RIMS1: variants seen among roughly 807,000 people sequenced by gnomAD.
RIMS1 encodes the protein regulating synaptic membrane exocytosis 1.
Under a neutral mutation model 214.1 loss-of-function variants are expected in RIMS1, and 83 were observed. The observed-to-expected ratio is 0.39, with a 90% confidence interval of 0.32 to 0.47. The LOEUF (loss-of-function observed/expected upper bound fraction) is 0.47, where lower values mean the gene tolerates loss of function less well. RIMS1 is among the 20% of genes least tolerant of loss of function. The pLI, the probability that RIMS1 is intolerant of heterozygous loss-of-function variation, is 0.99. For missense variants in RIMS1, 2,050 were observed against 2,161.8 expected (o/e 0.95, Z 1.03); for synonymous variants, 793 against 786.8 (o/e 1.01, Z -0.13).
intron 4 of RIMS1, among the ~76,000 whole-genome samples, chr6:72,142,330 T>A (rs974776935): frequency 6.6e-6 from 1 of 152,046 alleles, no homozygotes; most frequent in Non-Finnish European, 1.5e-5. Flanking sequence ...GAAAACACAT[T>A]ATTTTTTCCT....
At chr6:72,307,762 A>G (rs1254175759) in intron 27 of RIMS1, among the ~76,000 whole-genome samples, 2 of 152,144 alleles carry the variant, frequency 1.3e-5, no homozygotes, top group African/African-American at 4.8e-5. Flanking sequence ...ACAAAAAAAG[A>G]AAAGGTATCA....
chr6:72,253,087 A>G (rs1424750487), intron 16 of RIMS1, among the ~76,000 whole-genome samples: 1 of 152,210 alleles, frequency 6.6e-6, no homozygotes, highest in African/African-American at 2.4e-5. Flanking sequence ...ATTATTTCAC[A>G]ATGCTCTGAG....
At chr6:72,273,491 AT>A (rs1462093587) in intron 22 of RIMS1, among the ~76,000 whole-genome samples, 1 of 152,120 alleles carries the variant, frequency 6.6e-6, no homozygotes, top group Non-Finnish European at 1.5e-5. Context: ...GATGTTTGAA[AT>A]TTGTGTCTGT....
At chr6:71,901,597 G>A (rs1443418223) in intron 1 of RIMS1, among the ~76,000 whole-genome samples, 1 of 152,104 alleles carries the variant, frequency 6.6e-6, no homozygotes, top group Non-Finnish European at 1.5e-5. Flanking sequence ...TATGAGATTG[G>A]TAGGCTCCTC....
intron 1 of RIMS1, among the ~76,000 whole-genome samples, chr6:71,922,258 C>T (rs1028136996): frequency 1.3e-5 from 2 of 152,178 alleles, no homozygotes; most frequent in African/African-American, 2.4e-5. Context: ...AGTATCTATA[C>T]TCAACTATAT....
intron 26 of RIMS1, among the ~76,000 whole-genome samples, chr6:72,299,125 GA>G (rs1251897161): frequency 2.6e-5 from 4 of 151,810 alleles, no homozygotes; most frequent in Non-Finnish European, 5.9e-5. Context: ...TGGGGGCATC[GA>G]AATAATGATA....
intron 2 of RIMS1, among the ~76,000 whole-genome samples, chr6:72,019,089 C>G (rs1009086509): frequency 6.6e-6 from 1 of 152,072 alleles, no homozygotes; most frequent in Admixed American, 6.6e-5. Flanking sequence ...CCTTATGGCT[C>G]TTACTATATT....
intron 26 of RIMS1, among the ~76,000 whole-genome samples, chr6:72,301,436 A>G (rs907451248): frequency 2.0e-5 from 3 of 151,852 alleles, no homozygotes; most frequent in African/African-American, 7.2e-5. Context: ...AAAACATTGC[A>G]GTTGGCCCAC....
At chr6:72,308,486 T>C (rs1461591693) in intron 27 of RIMS1, among the ~76,000 whole-genome samples, 1 of 152,160 alleles carries the variant, frequency 6.6e-6, no homozygotes, top group African/African-American at 2.4e-5. Context: ...TAAATTAATA[T>C]TATTAGCTTG....
chr6:72,043,363 C>A (rs59758267), intron 2 of RIMS1, among the ~76,000 whole-genome samples: 30,118 of 151,584 alleles, frequency 0.2, 3,205 homozygotes, highest in Non-Finnish European at 0.24. Flanking sequence ...GGAAGAAAAT[C>A]TTTTAAAAGA....
At chr6:72,096,873 T>C (rs891783810) in intron 2 of RIMS1, 76 bp from the exon 3 acceptor site, 9 of 1,248,582 alleles carry the variant, frequency 7.2e-6, no homozygotes, top group Non-Finnish European at 9.2e-6. Flanking sequence ...TGTTAGGAAA[T>C]ATTCCTTGTT....
Position 71,887,035 on chromosome 6 carries a change from C to T in RIMS1, c.12C>T (p.Ala4=). MSS[A]VGPRGPRPPT... is the part of the protein sequence containing the mutation. ...GGCAGGCCACGAAAATGTCCTCGGC[C>T]GTGGGGCCCCGCGGTCCTCGCCCAC... The change falls in exon 1 of 34, where the codon GCC becomes GCT. Residue 4 remains alanine, a synonymous_variant. Transcript: ENST00000521978. The T allele has an allele frequency of 6.2e-7, 1 of 1,613,094 alleles. No homozygotes were observed. Among genetic ancestry groups the T allele is most frequent in the Non-Finnish European group, 8.5e-7 (1 of 1,179,574 alleles).
chr6:72,270,653 C>T (rs1256078353), intron 22 of RIMS1, among the ~76,000 whole-genome samples: 1 of 152,120 alleles, frequency 6.6e-6, no homozygotes, highest in African/African-American at 2.4e-5. Context: ...CAGAATCAGC[C>T]AGATTCACTG....
intron 26 of RIMS1, among the ~76,000 whole-genome samples, chr6:72,298,068 A>C (rs1330571109): frequency 6.6e-6 from 1 of 151,986 alleles, no homozygotes; most frequent in Non-Finnish European, 1.5e-5. Flanking sequence ...CCAGTTTGTC[A>C]GGGACTGAGG....
intron 2 of RIMS1, among the ~76,000 whole-genome samples, chr6:72,070,100 C>G (rs1290571323): frequency 6.6e-6 from 1 of 152,096 alleles, no homozygotes; most frequent in Non-Finnish European, 1.5e-5. Context: ...ATTTAATTAA[C>G]ATACTTGAAT....
rs780126590 is a variant in RIMS1, at chr6:72,128,430, TTTA to T, written c.471+28445_471+28447del. On this transcript the variant is annotated intron_variant, in intron 4 of 33. Coordinates refer to ENST00000521978, the MANE Select transcript of RIMS1 (RefSeq NM_014989.7). ...TTAAAAAAAAATTGTATTTGCCCCC[TTTA>T]AAAAAAATGTATTTGCCCTTACAGA... Among the ~76,000 whole-genome samples the T allele has an allele frequency of 1.2e-3, 188 of 150,822 alleles. 1 individual carries two copies. In the South Asian group the frequency reaches 0.017, roughly 14 times the overall value.
chr6:72,305,357 A>AAAGTTAAT (rs1341897182), intron 26 of RIMS1, among the ~76,000 whole-genome samples: 2 of 152,236 alleles, frequency 1.3e-5, no homozygotes, highest in Admixed American at 1.3e-4. Flanking sequence ...ATTTTTAAAT[A>AAAGTTAAT]AAGTTAATAT....
At position 72,390,611 on chromosome 6, in the gene RIMS1, A is replaced by G. The variant is rs376131668; in HGVS notation, c.4380A>G (p.Lys1460=). 52 of 1,613,378 alleles carry G rather than the reference A, an allele frequency of 3.2e-5. No individual in the cohort carries two copies. Among genetic ancestry groups the G allele is most frequent in the Non-Finnish European group, 4.3e-5 (51 of 1,179,576 alleles). The part of the protein sequence containing the change: ...SQLSQTESGH[K]KLKSTIQRST... ...CTCTCCTGTCAGAGTCGGGCCACAA[A>G]AAGTTAAAAAGTACCATCCAGAGAA... The change falls in exon 30 of 34, where the codon AAA becomes AAG. Residue 1460 remains lysine (K), a synonymous_variant. Coordinates refer to ENST00000521978, the MANE Select transcript of RIMS1 (RefSeq NM_014989.7).
At chr6:72,345,841 G>T (rs2097248268) in intron 29 of RIMS1, among the ~76,000 whole-genome samples, 1 of 151,696 alleles carries the variant, frequency 6.6e-6, no homozygotes, top group Non-Finnish European at 1.5e-5. Context: ...GTTACGTGAT[G>T]TTACCATTTA....
Sources: allele counts gnomAD v4.1 joint callset (sites outside exome capture counted in the v4.1 genomes callset), GRCh38; gene constraint gnomAD v4.1.1; transcripts MANE v1.5; gene names NCBI Gene and HGNC (gene_info 2026-07-23, HGNC 2026-07-21).